The following CYRIB variants were observed in gnomAD, a reference collection of about 807,000 sequenced individuals.
The protein encoded by CYRIB is CYFIP-related Rac1 interactor B.
Under a neutral mutation model 44.2 loss-of-function variants are expected in CYRIB, and 8 were observed. The observed-to-expected ratio is 0.18, with a 90% confidence interval of 0.11 to 0.33. The LOEUF is 0.33. Among genes scored for constraint, CYRIB ranks in the 10% least tolerant of loss-of-function variants. CYRIB has a pLI of 1.00. For missense variants in CYRIB, 185 were observed against 382.8 expected, an observed-to-expected ratio of 0.48 and a Z score of 4.31; for synonymous variants, 131 against 127.2, an observed-to-expected ratio of 1.03 and a Z score of -0.20.
At chr8:129,981,712 C>T (rs1352413566) in intron 1 of CYRIB, among the ~76,000 whole-genome samples, 1 of 152,184 alleles carries the variant, frequency 6.6e-6, no homozygotes, top group Non-Finnish European at 1.5e-5. Flanking sequence ...AAGAACACGC[C>T]TGGGGCCTGG....
chr8:130,011,313 G>C (rs1306419474), intron 1 of CYRIB, among the ~76,000 whole-genome samples: 20 of 152,104 alleles, frequency 1.3e-4, no homozygotes, highest in Middle Eastern at 3.4e-3. Flanking sequence ...CTGAGGTCAG[G>C]AGTTCGAGAC....
intron 5 of CYRIB, 76 bp from the exon 8 acceptor site, chr8:129,855,823 C>T: frequency 7.6e-7 from 1 of 1,320,538 alleles, no homozygotes; most frequent in South Asian, 1.4e-5. Context: ...GTGAACAATT[C>T]ATAAATGTTA....
intron 1 of CYRIB, among the ~76,000 whole-genome samples, chr8:129,936,220 G>A (rs2092764777): frequency 6.6e-6 from 1 of 152,184 alleles, no homozygotes; most frequent in African/African-American, 2.4e-5. Flanking sequence ...TCAAATGCCA[G>A]TCTTCAACGT....
At chr8:129,931,817 A>G (rs2091481843) in intron 1 of CYRIB, among the ~76,000 whole-genome samples, 1 of 151,792 alleles carries the variant, frequency 6.6e-6, no homozygotes, top group Admixed American at 6.6e-5. Flanking sequence ...AGTAGAGACG[A>G]GGTTTCACCA....
chr8:129,986,911 C>T (rs749418115), intron 1 of CYRIB, among the ~76,000 whole-genome samples: 1 of 152,196 alleles, frequency 6.6e-6, no homozygotes, highest in Non-Finnish European at 1.5e-5. Flanking sequence ...TAACCCTCCC[C>T]TAATGCTCCA....
intron 1 of CYRIB, among the ~76,000 whole-genome samples, chr8:129,927,883 G>A (rs2088846483): frequency 6.6e-6 from 1 of 152,210 alleles, no homozygotes; most frequent in African/African-American, 2.4e-5. Flanking sequence ...AAGACATCAA[G>A]GCAATTCAGT....
chr8:129,934,431 GAT>G (rs2138691668), intron 1 of CYRIB, among the ~76,000 whole-genome samples: 2 of 152,198 alleles, frequency 1.3e-5, no homozygotes, highest in African/African-American at 4.8e-5. Context: ...ATCACATTAT[GAT>G]ATGTCATATC....
rs1029284702 is a variant in CYRIB, at chr8:129,977,740, G to A, written c.-295-6745C>T. 5.3e-5 allele frequency among the ~76,000 whole-genome samples: 8 copies of A among 152,086 alleles called. No individual in the cohort carries two copies. In the South Asian group the frequency reaches 1.0e-3, roughly 20 times the overall value. On this transcript the variant is annotated intron_variant, in intron 1 of 14. Coordinates refer to the CYRIB transcript ENST00000401979. ...GTAGAGATGGGGTTTCACCGTGTTAGCCAGGATGGTCTCGATCTCCTGACC... is the reference window on the plus strand; with the variant it reads ...GTAGAGATGGGGTTTCACCGTGTTAACCAGGATGGTCTCGATCTCCTGACC...
chr8:129,939,876 A>G (rs991988573), upstream of CYRIB: 9 of 152,116 alleles, frequency 5.9e-5, no homozygotes, highest in Non-Finnish European at 1.0e-4. Flanking sequence ...GGCGCCGCGG[A>G]CCTGTCCGGC....
intron 2 of CYRIB, among the ~76,000 whole-genome samples, chr8:129,896,347 G>A (rs913755521): frequency 9.2e-5 from 14 of 152,132 alleles, no homozygotes; most frequent in Admixed American, 4.6e-4. Flanking sequence ...TCTTACCTAC[G>A]AAGGGATAAT....
At chr8:129,931,114 A>G (rs911071007) in intron 1 of CYRIB, among the ~76,000 whole-genome samples, 10 of 152,244 alleles carry the variant, frequency 6.6e-5, no homozygotes, top group African/African-American at 2.4e-4. Context: ...GATAATTTAT[A>G]AGATGCTAAT....
At chr8:129,984,694 G>C (rs1208190844) in intron 1 of CYRIB, among the ~76,000 whole-genome samples, 1 of 152,144 alleles carries the variant, frequency 6.6e-6, no homozygotes, top group Non-Finnish European at 1.5e-5. Context: ...TTAATTCATG[G>C]GACCCCACCT....
rs151209257 is a variant in CYRIB at position 129,906,840 on chromosome 8, C to T, written c.-49-3490G>A. Among the ~76,000 whole-genome samples the T allele has an allele frequency of 8.6e-3, 1,309 of 152,206 alleles. 13 individuals are homozygous for T. Among genetic ancestry groups the T allele is most frequent in the African/African-American group, 0.026 (1,072 of 41,522 alleles). On this transcript the variant is annotated intron_variant, in intron 1 of 11. Transcript: ENST00000519824. ...AGAAGACATTTATGCAGCCAAGAGA[C>T]AAGAAAAAATGCTCATCATCACTGG...
intron 4 of CYRIB, among the ~76,000 whole-genome samples, chr8:129,869,213 C>T (rs1268610443): frequency 1.3e-5 from 2 of 150,774 alleles, no homozygotes; most frequent in Admixed American, 1.3e-4. Flanking sequence ...TGGTGAAAGC[C>T]CATCTCTACT....
intron 10 of CYRIB, among the ~76,000 whole-genome samples, chr8:129,848,969 T>C (rs1333448603): frequency 6.6e-6 from 1 of 152,212 alleles, no homozygotes; most frequent in African/African-American, 2.4e-5. Flanking sequence ...ATTCCTTATA[T>C]CTAATTATCT....
chr8:129,985,185 A>G (rs1564621314), intron 1 of CYRIB, among the ~76,000 whole-genome samples: 1 of 152,188 alleles, frequency 6.6e-6, no homozygotes, highest in Non-Finnish European at 1.5e-5. Flanking sequence ...CTCTTCTGTA[A>G]AGTGGGACTG....
chr8:129,990,739 G>C (rs1277366492), intron 1 of CYRIB, among the ~76,000 whole-genome samples: 1 of 151,984 alleles, frequency 6.6e-6, no homozygotes, highest in Non-Finnish European at 1.5e-5. Context: ...GCCCAGGCTT[G>C]TCTTGAACTC....
At chr8:129,965,773 GCGACAGAGCAAGACTC>G (rs2095454070) in intron 2 of CYRIB, among the ~76,000 whole-genome samples, 1 of 151,500 alleles carries the variant, frequency 6.6e-6, no homozygotes, top group South Asian at 2.1e-4. Context: ...TCCAGCCTGG[GCGACAGAGCAAGACTC>G]TGTCTCAAAA....
chr8:129,863,186 G>T (rs554253391), intron 4 of CYRIB, among the ~76,000 whole-genome samples: 1 of 152,284 alleles, frequency 6.6e-6, no homozygotes, highest in East Asian at 1.9e-4. Flanking sequence ...CTAGCATTAA[G>T]AAAACTACCT....
Sources: allele counts gnomAD v4.1 joint callset (sites outside exome capture counted in the v4.1 genomes callset), GRCh38; gene constraint gnomAD v4.1.1; transcripts MANE v1.5; gene names NCBI Gene and HGNC (gene_info 2026-07-23, HGNC 2026-07-21).